The following DCHS2 variants were observed in gnomAD, a reference collection of about 807,000 sequenced individuals.
DCHS2 encodes the protein protocadherin-23.
DCHS2 carries 142 observed loss-of-function variants against 182.4 expected under a neutral mutation model. That is an observed-to-expected ratio of 0.78 (90% confidence interval 0.68 to 0.89). DCHS2 has a LOEUF of 0.89. Among genes scored for constraint, DCHS2 ranks in the 40% least tolerant of loss-of-function variants. The probability of loss-of-function intolerance (pLI) is 0.00; values close to 1 mark genes in which losing one functional copy is unlikely to be tolerated. For synonymous variants in DCHS2, 1,740 were observed against 1,663.3 expected (o/e 1.05, Z -1.12); for missense variants, 4,319 against 4,198.6 (o/e 1.03, Z -0.79).
chr4:154,245,321 C>G (rs550053987), intron 16 of DCHS2, among the ~76,000 whole-genome samples: 98 of 152,254 alleles, frequency 6.4e-4, no homozygotes, highest in African/African-American at 2.3e-3. Flanking sequence ...ATAAATGAAA[C>G]TGACCAGATT....
intron 3 of DCHS2, chr4:154,352,380 A>G (rs1482799935): frequency 2.0e-5 from 3 of 152,130 alleles, no homozygotes; most frequent in Non-Finnish European, 4.4e-5. Context: ...CTCTAATCGC[A>G]GAAGGTGTTG....
At chr4:154,383,101 G>C (rs1423820354) in intron 1 of DCHS2, among the ~76,000 whole-genome samples, 1 of 152,120 alleles carries the variant, frequency 6.6e-6, no homozygotes, top group Admixed American at 6.6e-5. Flanking sequence ...ACCCATCAAT[G>C]GTGGATTAGA....
At chr4:154,483,813 A>G (rs1227084668) in intron 1 of DCHS2, among the ~76,000 whole-genome samples, 3 of 152,128 alleles carry the variant, frequency 2.0e-5, no homozygotes, top group African/African-American at 7.2e-5. Flanking sequence ...ACATCATATG[A>G]GTCGCAAGAC....
intron 1 of DCHS2, among the ~76,000 whole-genome samples, chr4:154,478,528 T>C (rs1053120490): frequency 1.3e-5 from 2 of 152,152 alleles, no homozygotes; most frequent in African/African-American, 4.8e-5. Flanking sequence ...TGGGTAGCAG[T>C]CAAGGCACCA....
chr4:154,440,464 C>A (rs1173597252), intron 1 of DCHS2, among the ~76,000 whole-genome samples: 1 of 116,962 alleles, frequency 8.5e-6, no homozygotes, highest in African/African-American at 2.9e-5. Context: ...CTCAAAAGAG[C>A]CTTTTTTGGG....
chr4:154,296,953 T>C (rs1734951870), intron 13 of DCHS2, among the ~76,000 whole-genome samples: 1 of 152,228 alleles, frequency 6.6e-6, no homozygotes. Flanking sequence ...CCAACACTGG[T>C]AGGTGGATTT....
At chr4:154,421,207 T>C (rs1354256921) in intron 1 of DCHS2, among the ~76,000 whole-genome samples, 3 of 152,026 alleles carry the variant, frequency 2.0e-5, no homozygotes, top group Admixed American at 2.0e-4. Flanking sequence ...CAGAAACTGG[T>C]TTTCATTGAT....
At chr4:154,358,674 A>G (rs1729981112) in intron 3 of DCHS2, among the ~76,000 whole-genome samples, 1 of 152,124 alleles carries the variant, frequency 6.6e-6, no homozygotes, top group South Asian at 2.1e-4. Context: ...GTTCTATATT[A>G]TATATGCTGA....
chr4:154,470,541 G>A lies in DCHS2; in HGVS notation c.2052+18763C>T, dbSNP rs191688300. On this transcript the variant is annotated intron_variant, in intron 1 of 19. Coordinates refer to ENST00000357232, the MANE Select transcript of DCHS2 (RefSeq NM_001358235.2). Reference sequence around the variant, plus strand: ...GACTAATATTAAATAAGATCTGTCAGCTAATTCTGATATTACCTTGCATGA... The same window carrying A: ...GACTAATATTAAATAAGATCTGTCAACTAATTCTGATATTACCTTGCATGA... 3.3e-5 allele frequency among the ~76,000 whole-genome samples: 5 copies of A among 151,638 alleles called. No homozygotes were observed. The East Asian group carries it at 9.7e-4, about 29-fold the overall frequency.
chr4:154,490,767 C>T lies in DCHS2; in HGVS notation c.589G>A (p.Gly197Arg). ...RLPVAHDPDA[G>R]LFSTQGYTLV... is the part of the protein sequence containing the mutation. ...GTGTAGCCCTGAGTGCTGAACAGTCCGGCGTCCGGATCGTGGGCAACTGGC... is the reference window on the plus strand; with the variant it reads ...GTGTAGCCCTGAGTGCTGAACAGTCTGGCGTCCGGATCGTGGGCAACTGGC... The change falls in exon 1 of 20, where the codon GGA becomes AGA. Residue 197 changes from glycine (G) to arginine (R), a missense_variant. Transcript: ENST00000357232. 2 of 1,551,558 alleles carry T rather than the reference C, an allele frequency of 1.3e-6. No homozygotes were observed. Among genetic ancestry groups the T allele is most frequent in the Non-Finnish European group, 1.7e-6 (2 of 1,146,880 alleles).
intron 10 of DCHS2, among the ~76,000 whole-genome samples, chr4:154,310,137 T>G (rs959727483): frequency 2.6e-5 from 4 of 152,218 alleles, no homozygotes; most frequent in Non-Finnish European, 5.9e-5. Context: ...GGTAGCCAAG[T>G]GCAAATCTGA....
At chr4:154,488,375 G>A (rs1201747850) in intron 1 of DCHS2, among the ~76,000 whole-genome samples, 2 of 152,142 alleles carry the variant, frequency 1.3e-5, no homozygotes, top group Non-Finnish European at 2.9e-5. Context: ...TCAGAGTCCT[G>A]AAAGCATCAT....
intron 3 of DCHS2, among the ~76,000 whole-genome samples, chr4:154,358,276 C>A (rs1056638374): frequency 6.6e-6 from 1 of 152,164 alleles, no homozygotes; most frequent in Admixed American, 6.5e-5. Flanking sequence ...CAAATCTGAG[C>A]TATCCTGCAA....
chr4:154,328,893 T>C (rs1736399190), intron 6 of DCHS2, among the ~76,000 whole-genome samples: 1 of 152,240 alleles, frequency 6.6e-6, no homozygotes, highest in African/African-American at 2.4e-5. Context: ...TCTGGAACAG[T>C]AGCTTCTAAA....
chr4:154,434,974 C>T (rs964007541), intron 1 of DCHS2, among the ~76,000 whole-genome samples: 1 of 152,080 alleles, frequency 6.6e-6, no homozygotes, highest in Non-Finnish European at 1.5e-5. Context: ...ATAAAGGTAA[C>T]GTGGTGTCCT....
At chr4:154,338,708 C>A (rs1177441251) in intron 3 of DCHS2, among the ~76,000 whole-genome samples, 4 of 152,158 alleles carry the variant, frequency 2.6e-5, no homozygotes, top group Admixed American at 6.5e-5. Context: ...GGACAGTGCA[C>A]TCTATTGTGG....
Position 154,491,155 on chromosome 4 carries a change from GAAC to G in DCHS2, c.198_200del (p.Leu66del). 2 of 1,551,304 alleles carry G rather than the reference GAAC, an allele frequency of 1.3e-6. No individual in the cohort carries two copies. The highest frequency in any genetic ancestry group is 1.7e-6 in the Non-Finnish European group (2 of 1,146,764). On this transcript the variant is annotated inframe_deletion, in exon 1 of 20. Transcript: ENST00000357232. ...CCTCATCTACGGAAAGGGTGAGGTT[GAAC>G]AACTGGGCAGAGGAGCCCGAGGCCG...
intron 9 of DCHS2, 40 bp downstream of exon 9, chr4:154,320,339 A>C: frequency 3.2e-6 from 5 of 1,566,902 alleles, no homozygotes; most frequent in Non-Finnish European, 4.3e-6. Flanking sequence ...TACCACAATA[A>C]AATAAAATAT....
chr4:154,272,071 C>A (rs1455510371), intron 13 of DCHS2: 1 of 152,084 alleles, frequency 6.6e-6, no homozygotes, highest in African/African-American at 2.4e-5. Flanking sequence ...TTTTGAGAAT[C>A]AAGCATGTTA....
Sources: allele counts gnomAD v4.1 joint callset (sites outside exome capture counted in the v4.1 genomes callset), GRCh38; gene constraint gnomAD v4.1.1; transcripts MANE v1.5; gene names NCBI Gene and HGNC (gene_info 2026-07-23, HGNC 2026-07-21).